Variants in RGS7BP observed in about 807,000 individuals in gnomAD.
RGS7BP encodes regulator of G protein signaling 7 binding protein.
Under a neutral mutation model 31.3 loss-of-function variants are expected in RGS7BP, and 9 were observed. The observed-to-expected ratio is 0.29, with a 90% confidence interval of 0.17 to 0.50. The LOEUF is 0.50. Ranked by LOEUF, RGS7BP falls within the 20% of genes least tolerant of loss-of-function variation. RGS7BP has a pLI of 0.98. For missense variants in RGS7BP, 274 were observed against 322.0 expected, an observed-to-expected ratio of 0.85 and a Z score of 1.14; for synonymous variants, 115 against 120.1, an observed-to-expected ratio of 0.96 and a Z score of 0.28.
intron 2 of RGS7BP, among the ~76,000 whole-genome samples, chr5:64,560,522 T>C (rs940063858): frequency 5.7e-4 from 83 of 145,634 alleles, no homozygotes; most frequent in Non-Finnish European, 1.9e-4. Flanking sequence ...TTTAAAAATA[T>C]GTCTAATAGT....
chr5:64,568,465 G>C (rs749685852), intron 2 of RGS7BP, among the ~76,000 whole-genome samples: 25 of 152,168 alleles, frequency 1.6e-4, no homozygotes, highest in Non-Finnish European at 3.2e-4. Context: ...TTATTTTAAA[G>C]ATTTAAGAAA....
At chr5:64,537,354 T>C (rs1483849128) in intron 2 of RGS7BP, among the ~76,000 whole-genome samples, 1 of 152,212 alleles carries the variant, frequency 6.6e-6, no homozygotes, top group African/African-American at 2.4e-5. Flanking sequence ...CCTGGGTCAC[T>C]TGTAGCCCTT....
intron 2 of RGS7BP, among the ~76,000 whole-genome samples, chr5:64,534,578 GGTCT>G (rs1749458293): frequency 6.6e-6 from 1 of 152,032 alleles, no homozygotes; most frequent in African/African-American, 2.4e-5. Flanking sequence ...GAAACAAGTC[GGTCT>G]GAGTAACTGA....
chr5:64,575,779 A>G lies in RGS7BP; in HGVS notation c.338A>G (p.Glu113Gly). 6.2e-7 allele frequency: 1 copy of G among 1,608,592 alleles called. No homozygotes were observed. The highest frequency in any genetic ancestry group is 8.5e-7 in the Non-Finnish European group (1 of 1,178,012). Residue 113 changes from glutamate (E) to glycine (G), a missense_variant, in exon 3 of 6, where the codon GAA becomes GGA. By Grantham distance (98) the Glu-to-Gly change is moderately conservative. Coordinates refer to ENST00000334025, the MANE Select transcript of RGS7BP (RefSeq NM_001029875.3). Reference protein sequence around the residue: ...HQKLAAISGPEDGEIHPEICR... With the variant: ...HQKLAAISGPGDGEIHPEICR... ...TCTCTTTCATTCTGTTGCAGCCCGG[A>G]AGATGGTGAGATCCATCCAGAAATC...
intron 3 of RGS7BP, 55 bp from the exon 4 acceptor site, chr5:64,594,655 C>A: frequency 6.3e-7 from 1 of 1,582,106 alleles, no homozygotes; most frequent in South Asian, 1.1e-5. Flanking sequence ...CATATAGAAC[C>A]TGCCTTTATG....
intron 2 of RGS7BP, among the ~76,000 whole-genome samples, chr5:64,523,258 C>T (rs1436159890): frequency 1.3e-5 from 2 of 152,174 alleles, no homozygotes; most frequent in East Asian, 1.9e-4. Flanking sequence ...GCCCGTGCCC[C>T]TGGATCTGAA....
intron 2 of RGS7BP, among the ~76,000 whole-genome samples, chr5:64,536,897 A>G (rs1325645508): frequency 6.6e-6 from 1 of 152,214 alleles, no homozygotes; most frequent in African/African-American, 2.4e-5. Flanking sequence ...AAAAAATGCT[A>G]TCAAATTTGG....
intron 3 of RGS7BP, among the ~76,000 whole-genome samples, chr5:64,577,040 AAAAG>A (rs1378540562): frequency 6.6e-6 from 1 of 151,466 alleles, no homozygotes; most frequent in Non-Finnish European, 1.5e-5. Context: ...TACGGAAGGA[AAAAG>A]AAAGATATTT....
rs1056766615 is a variant in RGS7BP at position 64,610,941 on chromosome 5, G to A, written c.*1689G>A. 1.3e-5 allele frequency: 2 copies of A among 151,846 alleles called. No individual in the cohort carries two copies. Among genetic ancestry groups the A allele is most frequent in the South Asian group, 4.2e-4 (2 of 4,816 alleles). 9.4% of individuals were successfully genotyped at this position (151,846 alleles called of 1,614,324 possible). A position where few individuals can be genotyped will look rare whatever the true frequency, so the allele number is the denominator to read the frequency against. On this transcript the variant is annotated 3_prime_UTR_variant, in exon 6 of 6. Transcript: ENST00000334025. ...CAGCTGGTTTTTGGCCTTATTCTTT[G>A]AATCTAGAGTTGTGTTCCAAGGAAC...
At chr5:64,567,962 A>C (rs1742210267) in intron 2 of RGS7BP, among the ~76,000 whole-genome samples, 1 of 152,140 alleles carries the variant, frequency 6.6e-6, no homozygotes, top group Non-Finnish European at 1.5e-5. Context: ...TAAGCATCAG[A>C]GGCTGAAAAT....
At chr5:64,561,494 A>G (rs1742055426) in intron 2 of RGS7BP, among the ~76,000 whole-genome samples, 1 of 152,106 alleles carries the variant, frequency 6.6e-6, no homozygotes, top group South Asian at 2.1e-4. Flanking sequence ...AGCAACTTTC[A>G]CAACCTCTCT....
chr5:64,526,334 G>T (rs1749229781), intron 2 of RGS7BP, among the ~76,000 whole-genome samples: 2 of 152,154 alleles, frequency 1.3e-5, no homozygotes, highest in South Asian at 2.1e-4. Flanking sequence ...GTGGTACTCT[G>T]GGTATATCAT....
rs187625514 is a variant in RGS7BP at position 64,561,518 on chromosome 5, C to G, written c.333-14256C>G. ...CACAACCTCTCTCAAGCCTCATTTC[C>G]CTCAATCTGTAAACTGAGGATAGGG... On this transcript the variant is annotated intron_variant, in intron 2 of 5. Transcript: ENST00000334025. 2.0e-5 allele frequency among the ~76,000 whole-genome samples: 3 copies of G among 152,200 alleles called. 1 individual carries two copies. Among genetic ancestry groups the G allele is most frequent in the Non-Finnish European group, 2.9e-5 (2 of 67,998 alleles).
intron 2 of RGS7BP, among the ~76,000 whole-genome samples, chr5:64,531,178 G>A (rs1472888232): frequency 6.6e-6 from 1 of 152,100 alleles, no homozygotes; most frequent in East Asian, 1.9e-4. Flanking sequence ...ATCAATAATG[G>A]GGAGTCCCTC....
At chr5:64,606,159 A>G (rs1175000436) in intron 5 of RGS7BP, among the ~76,000 whole-genome samples, 1 of 151,666 alleles carries the variant, frequency 6.6e-6, no homozygotes, top group Non-Finnish European at 1.5e-5. Context: ...CACAGATATA[A>G]GGGTGAACCT....
At chr5:64,560,916 C>T (rs1742039116) in intron 2 of RGS7BP, among the ~76,000 whole-genome samples, 1 of 152,260 alleles carries the variant, frequency 6.6e-6, no homozygotes, top group Admixed American at 6.5e-5. Flanking sequence ...AGCACTGATG[C>T]CACCTTCCCA....
chr5:64,568,049 GCT>G (rs1376409091), intron 2 of RGS7BP, among the ~76,000 whole-genome samples: 3 of 151,656 alleles, frequency 2.0e-5, no homozygotes, highest in Admixed American at 2.0e-4. Flanking sequence ...AGTATATGTA[GCT>G]CTCTTTTAAA....
chr5:64,566,541 C>T (rs1041735025), intron 2 of RGS7BP, among the ~76,000 whole-genome samples: 3 of 152,000 alleles, frequency 2.0e-5, no homozygotes, highest in African/African-American at 7.2e-5. Flanking sequence ...TCTGGGTGCA[C>T]ATGCACAGCA....
At chr5:64,563,230 C>T (rs984215112) in intron 2 of RGS7BP, among the ~76,000 whole-genome samples, 4 of 151,984 alleles carry the variant, frequency 2.6e-5, no homozygotes, top group East Asian at 1.9e-4. Flanking sequence ...AATCTTTGAA[C>T]GCATTTATAC....
Sources: gnomAD v4.1 joint callset for allele counts (sites outside exome capture counted in the v4.1 genomes callset) on GRCh38, gnomAD v4.1.1 for gene constraint, MANE v1.5 for transcripts, NCBI Gene and HGNC (gene_info 2026-07-23, HGNC 2026-07-21) for gene names.